SPHKAP: variants seen among roughly 807,000 people sequenced by gnomAD.
SPHKAP encodes the protein A-kinase anchor protein SPHKAP.
In SPHKAP, 67 loss-of-function variants were observed where a neutral mutation model predicts 137.5. That is an observed-to-expected ratio of 0.49 (90% CI 0.40 to 0.60). The LOEUF is 0.60. Among genes scored for constraint, SPHKAP ranks in the 20% least tolerant of loss-of-function variants. The probability of loss-of-function intolerance (pLI) is 0.00; values close to 1 mark genes in which losing one functional copy is unlikely to be tolerated. For missense variants in SPHKAP, 2,097 were observed against 2,069.3 expected, an observed-to-expected ratio of 1.01 and a Z score of -0.26; for synonymous variants, 813 against 785.3, an observed-to-expected ratio of 1.04 and a Z score of -0.59.
At chr2:228,159,367 T>TA (rs2106410796) in intron 1 of SPHKAP, among the ~76,000 whole-genome samples, 1 of 152,272 alleles carries the variant, frequency 6.6e-6, no homozygotes, top group Non-Finnish European at 1.5e-5. Context: ...GTTTGTTAAC[T>TA]GGCCTTATCT....
At chr2:228,006,229 T>G (rs996626793) in intron 7 of SPHKAP, among the ~76,000 whole-genome samples, 1 of 152,178 alleles carries the variant, frequency 6.6e-6, no homozygotes, top group Non-Finnish European at 1.5e-5. Context: ...TTTGGAGGCT[T>G]TGTTCATTTC....
intron 7 of SPHKAP, among the ~76,000 whole-genome samples, chr2:228,005,229 T>C (rs1694081424): frequency 6.6e-6 from 1 of 152,240 alleles, no homozygotes; most frequent in Non-Finnish European, 1.5e-5. Context: ...TTTATGAATC[T>C]GGGTGCTCCT....
chr2:228,153,724 A>C (rs1239795230), intron 1 of SPHKAP, among the ~76,000 whole-genome samples: 1 of 152,174 alleles, frequency 6.6e-6, no homozygotes, highest in East Asian at 1.9e-4. Flanking sequence ...TAAAATGTTA[A>C]ATTTTTTTTT....
chr2:228,115,694 T>C (rs1440136190), intron 2 of SPHKAP, among the ~76,000 whole-genome samples: 1 of 151,912 alleles, frequency 6.6e-6, no homozygotes. Context: ...AAACAGAAAA[T>C]AAGGGAGCAT....
intron 2 of SPHKAP, among the ~76,000 whole-genome samples, chr2:228,130,162 G>A (rs2106373316): frequency 6.6e-6 from 1 of 152,002 alleles, no homozygotes; most frequent in South Asian, 2.1e-4. Context: ...GCTTCTAGAT[G>A]GTATTTTGTT....
intron 2 of SPHKAP, among the ~76,000 whole-genome samples, chr2:228,121,301 G>A (rs888974203): frequency 1.3e-5 from 2 of 152,136 alleles, no homozygotes; most frequent in Non-Finnish European, 2.9e-5. Flanking sequence ...CTTGAGGCCA[G>A]GAGTTCAAGA....
intron 2 of SPHKAP, among the ~76,000 whole-genome samples, chr2:228,119,508 G>C (rs1009973890): frequency 2.8e-5 from 3 of 106,082 alleles, no homozygotes; most frequent in Non-Finnish European, 4.2e-5. Context: ...TGCTGGACTA[G>C]AAGTCAGGAG....
intron 2 of SPHKAP, among the ~76,000 whole-genome samples, chr2:228,128,598 G>A (rs950491222): frequency 7.2e-5 from 11 of 151,990 alleles, no homozygotes; most frequent in Non-Finnish European, 1.0e-4. Context: ...TATCTACTTT[G>A]CCCAGATCCA....
intron 3 of SPHKAP, among the ~76,000 whole-genome samples, chr2:228,104,874 A>G (rs1186777122): frequency 6.6e-6 from 1 of 152,246 alleles, no homozygotes; most frequent in African/African-American, 2.4e-5. Context: ...TATTAAACCA[A>G]AAGATGTTTT....
Position 228,181,512 on chromosome 2 carries a change from C to T in SPHKAP, c.32+55G>A, listed in dbSNP as rs1298648913. ...GGGCAAGTTGGTGAGCGACTCACAA[C>T]GCGGAACGGAGTTTGATCGACATGG... On this transcript the variant is annotated intron_variant, in intron 1 of 11. Coordinates refer to ENST00000392056, the MANE Select transcript of SPHKAP (RefSeq NM_001142644.2). The surrounding 1 kb of genome is among the most constrained non-coding windows in gnomAD (Gnocchi z 4.3). The T allele has an allele frequency of 4.3e-6, 7 of 1,613,714 alleles. No homozygotes were observed. The highest frequency in any genetic ancestry group is 5.9e-6 in the Non-Finnish European group (7 of 1,179,754).
chr2:228,126,618 A>G (rs965866416), intron 2 of SPHKAP, among the ~76,000 whole-genome samples: 1 of 152,166 alleles, frequency 6.6e-6, no homozygotes, highest in African/African-American at 2.4e-5. Flanking sequence ...CACTTTTGAG[A>G]GAAAATGGGG....
rs1469326560 is a variant in SPHKAP, at chr2:227,981,577, T to C, written c.*140A>G. On this transcript the variant is annotated 3_prime_UTR_variant, in exon 12 of 12. Coordinates refer to ENST00000392056, the MANE Select transcript of SPHKAP (RefSeq NM_001142644.2). ...TTCCTCTGACTTATTCTGTATGCAGTGGATCTGAGTAGCAGATTTTTTTTT... is the reference window on the plus strand; with the variant it reads ...TTCCTCTGACTTATTCTGTATGCAGCGGATCTGAGTAGCAGATTTTTTTTT... 3 of 1,108,014 alleles carry C rather than the reference T, an allele frequency of 2.7e-6. No homozygotes were observed. Among genetic ancestry groups the C allele is most frequent in the Non-Finnish European group, 3.8e-6 (3 of 799,952 alleles). 68.6% of individuals were successfully genotyped at this position (1,108,014 alleles called of 1,614,324 possible).
At chr2:228,068,710 T>A (rs971739261) in intron 3 of SPHKAP, among the ~76,000 whole-genome samples, 1 of 152,216 alleles carries the variant, frequency 6.6e-6, no homozygotes, top group African/African-American at 2.4e-5. Flanking sequence ...GATTGAAGAC[T>A]TAAATCTAAG....
intron 9 of SPHKAP, 149 bp from the exon 10 acceptor site, chr2:227,991,475 A>T: frequency 6.7e-7 from 1 of 1,496,024 alleles, no homozygotes; most frequent in Non-Finnish European, 8.9e-7. Flanking sequence ...TGCTGGGAAA[A>T]CACCAATGTG....
chr2:228,034,461 A>G (rs148226176), intron 3 of SPHKAP, among the ~76,000 whole-genome samples: 57,733 of 151,620 alleles, frequency 0.38, 11,437 homozygotes, highest in South Asian at 0.51. Context: ...ACAAGGAGGA[A>G]CTGGTACCAT....
chr2:228,006,851 G>C (rs916046487), intron 7 of SPHKAP, among the ~76,000 whole-genome samples: 9 of 152,224 alleles, frequency 5.9e-5, no homozygotes, highest in African/African-American at 1.9e-4. Context: ...CTGCAGAACA[G>C]TGAATATTGC....
intron 1 of SPHKAP, among the ~76,000 whole-genome samples, chr2:228,169,068 C>T (rs1396321786): frequency 2.0e-5 from 3 of 149,496 alleles, no homozygotes; most frequent in Admixed American, 6.7e-5. Flanking sequence ...GGTGAGGAAG[C>T]TGCAGAAGAA....
rs1165095597 is a variant in SPHKAP at position 227,980,380 on chromosome 2, G to C, written c.*1337C>G. The C allele has an allele frequency of 2.6e-5, 4 of 152,134 alleles. No individual in the cohort carries two copies. The highest frequency in any genetic ancestry group is 5.9e-5 in the Non-Finnish European group (4 of 68,030). 9.4% of individuals were successfully genotyped at this position (152,134 alleles called of 1,614,324 possible). On this transcript the variant is annotated 3_prime_UTR_variant, in exon 12 of 12. Coordinates refer to ENST00000392056, the MANE Select transcript of SPHKAP (RefSeq NM_001142644.2). ...GGTGAGGCCAGCATTCATGGTATGG[G>C]AACCTGTTCACATTTAAAATTACTT...
At chr2:227,995,752 ACTT>A in intron 7 of SPHKAP, 58 bp from the exon 8 acceptor site, 1 of 1,462,180 alleles carries the variant, frequency 6.8e-7, no homozygotes, top group Non-Finnish European at 9.0e-7. Flanking sequence ...ACACACAGAA[ACTT>A]CACAGAGCCA....
Sources: gnomAD v4.1 joint callset for allele counts (sites outside exome capture counted in the v4.1 genomes callset) on GRCh38, gnomAD v4.1.1 for gene constraint, Gnocchi (gnomAD v3.1) non-coding constraint, MANE v1.5 for transcripts, NCBI Gene and HGNC (gene_info 2026-07-23, HGNC 2026-07-21) for gene names.